Variants in ECT2 observed in about 807,000 individuals in gnomAD.
The protein encoded by ECT2 is protein ECT2.
ECT2 carries 61 observed loss-of-function variants against 116.9 expected under a neutral mutation model. That is an observed-to-expected ratio of 0.52 (90% CI 0.42 to 0.65). The LOEUF (loss-of-function observed/expected upper bound fraction) is 0.65. Ranked by LOEUF, ECT2 falls within the 30% of genes least tolerant of loss-of-function variation. ECT2 has a pLI of 0.00. For missense variants in ECT2, 937 were observed against 1,078.7 expected, an observed-to-expected ratio of 0.87 and a Z score of 1.84; for synonymous variants, 358 against 346.4, an observed-to-expected ratio of 1.03 and a Z score of -0.37.
intron 18 of ECT2, among the ~76,000 whole-genome samples, chr3:172,793,142 G>T (rs1421193422): frequency 6.6e-6 from 1 of 152,062 alleles, no homozygotes; most frequent in South Asian, 2.1e-4. Context: ...GGTATGGTCA[G>T]TGATTTCATT....
At chr3:172,757,706 C>T (rs895654403) in intron 5 of ECT2, among the ~76,000 whole-genome samples, 5 of 152,188 alleles carry the variant, frequency 3.3e-5, no homozygotes, top group Non-Finnish European at 5.9e-5. Flanking sequence ...TGAGCCACTG[C>T]GCCTGGCGTA....
chr3:172,769,443 G>A (rs572961587), intron 13 of ECT2, among the ~76,000 whole-genome samples: 1 of 152,238 alleles, frequency 6.6e-6, no homozygotes, highest in Admixed American at 6.5e-5. Context: ...TCAAGATACT[G>A]CATTTATATT....
chr3:172,795,347 T>G (rs1169382312), intron 18 of ECT2, among the ~76,000 whole-genome samples: 1 of 151,518 alleles, frequency 6.6e-6, no homozygotes, highest in African/African-American at 2.4e-5. Flanking sequence ...AAAAAAAATT[T>G]TCAAAATTGT....
chr3:172,817,666 A>T (rs1194904567), intron 24 of ECT2, among the ~76,000 whole-genome samples: 1 of 152,118 alleles, frequency 6.6e-6, no homozygotes, highest in African/African-American at 2.4e-5. Context: ...ACAGTTTCAG[A>T]ATTATTATTA....
intron 20 of ECT2, 25 bp from the exon 21 acceptor site, chr3:172,805,706 A>G (rs1292450745): frequency 6.2e-7 from 1 of 1,608,076 alleles, no homozygotes; most frequent in Non-Finnish European, 8.5e-7. Flanking sequence ...TTATTGACTG[A>G]TACTTTTTTA....
intron 14 of ECT2, among the ~76,000 whole-genome samples, chr3:172,778,408 G>A (rs934019651): frequency 2.0e-5 from 3 of 152,016 alleles, no homozygotes; most frequent in Non-Finnish European, 2.9e-5. Context: ...AAGCTACTGG[G>A]GACTCGCCTG....
intron 23 of ECT2, among the ~76,000 whole-genome samples, chr3:172,816,238 A>G (rs1729693316): frequency 1.3e-5 from 2 of 152,100 alleles, no homozygotes; most frequent in Admixed American, 1.3e-4. Context: ...TAGATTTACA[A>G]GTTTTGTTTT....
At chr3:172,788,914 T>C (rs906010206) in intron 18 of ECT2, among the ~76,000 whole-genome samples, 4 of 151,842 alleles carry the variant, frequency 2.6e-5, no homozygotes, top group Admixed American at 6.6e-5. Flanking sequence ...AAAAATTAGC[T>C]GGGCATGGTT....
intron 19 of ECT2, 25 bp from the exon 20 acceptor site, chr3:172,802,834 CTT>C: frequency 1.3e-6 from 2 of 1,593,326 alleles, no homozygotes; most frequent in Non-Finnish European, 1.7e-6. Flanking sequence ...CAAGTGATCT[CTT>C]TTGTTATATT....
At chr3:172,768,013 T>C (rs1272415480) in intron 12 of ECT2, among the ~76,000 whole-genome samples, 2 of 152,140 alleles carry the variant, frequency 1.3e-5, no homozygotes, top group Admixed American at 1.3e-4. Flanking sequence ...ATTACAGGAG[T>C]GAGCCACCGT....
At chr3:172,829,206 G>T in the ECT2 span, 1 of 373,460 alleles carries the variant, frequency 2.7e-6, no homozygotes, top group African/African-American at 2.1e-5. Context: ...CCTTGGTCTC[G>T]GCGCCCAGCC....
intron 12 of ECT2, among the ~76,000 whole-genome samples, 159 bp downstream of exon 12, chr3:172,764,659 A>T (rs921379411): frequency 6.6e-6 from 1 of 152,222 alleles, no homozygotes; most frequent in Non-Finnish European, 1.5e-5. Context: ...TAAGCTTAAT[A>T]ATGTTGCAAT....
the ECT2 span, among the ~76,000 whole-genome samples, chr3:172,827,971 TA>T: frequency 6.6e-6 from 1 of 152,304 alleles, no homozygotes; most frequent in East Asian, 1.9e-4. Context: ...AAAAAACCAA[TA>T]CTCTTATTAT....
chr3:172,786,415 C>A lies in ECT2; in HGVS notation c.1826-78C>A. On this transcript the variant is annotated intron_variant, in intron 17 of 24. Coordinates refer to ENST00000392692, the MANE Select transcript of ECT2 (RefSeq NM_001258315.2). ...TATTATCTTTAAAAATTAGCTGTAT[C>A]AAGATGGACAGCATTTTAGTCTTAG... 9.2e-6 allele frequency: 8 copies of A among 871,746 alleles called. No individual in the cohort carries two copies. The Admixed American group carries it at 1.4e-4, about 15-fold the overall frequency. The allele number at this position is 871,746 out of a possible 1,614,324, so 54.0% of individuals were successfully genotyped here.
chr3:172,785,057 G>A (rs959668710), intron 17 of ECT2, among the ~76,000 whole-genome samples: 10 of 151,950 alleles, frequency 6.6e-5, no homozygotes, highest in African/African-American at 2.4e-4. Context: ...ATATTTCATG[G>A]TGTGTCACTA....
intron 5 of ECT2, among the ~76,000 whole-genome samples, chr3:172,757,667 G>A (rs556078408): frequency 1.3e-5 from 2 of 152,000 alleles, no homozygotes; most frequent in South Asian, 4.1e-4. Context: ...CACCCGCTTC[G>A]GACTCTCAAA....
At chr3:172,769,893 C>CT (rs1490376200) in intron 13 of ECT2, among the ~76,000 whole-genome samples, 1 of 152,110 alleles carries the variant, frequency 6.6e-6, no homozygotes, top group African/African-American at 2.4e-5. Context: ...CCAAGCTTAT[C>CT]TTTCAATAGA....
chr3:172,794,666 G>A (rs1398082250), intron 18 of ECT2, among the ~76,000 whole-genome samples: 1 of 152,036 alleles, frequency 6.6e-6, no homozygotes, highest in Admixed American at 6.6e-5. Context: ...AATGTGTATA[G>A]GAATTTTATT....
chr3:172,795,318 G>T (rs1288601901), intron 18 of ECT2, among the ~76,000 whole-genome samples: 1 of 110,042 alleles, frequency 9.1e-6, no homozygotes, highest in Non-Finnish European at 1.8e-5. Context: ...AGAGTGAGAC[G>T]CTATCAAAAA....
Sources: gnomAD v4.1 joint callset for allele counts (sites outside exome capture counted in the v4.1 genomes callset) on GRCh38, gnomAD v4.1.1 for gene constraint, MANE v1.5 for transcripts, NCBI Gene and HGNC (gene_info 2026-07-23, HGNC 2026-07-21) for gene names.